The following PCDHGA6 variants were observed in gnomAD, a reference collection of about 807,000 sequenced individuals.
The protein encoded by PCDHGA6 is protocadherin gamma subfamily A, 6.
PCDHGA6 carries 41 observed loss-of-function variants against 60.6 expected under a neutral mutation model. The observed-to-expected ratio is 0.68, with a 90% CI of 0.53 to 0.88. The LOEUF is 0.88. PCDHGA6 is among the 40% of genes least tolerant of loss of function. The pLI, the probability that PCDHGA6 is intolerant of heterozygous loss-of-function variation, is 0.00. For missense variants in PCDHGA6, 1,312 were observed against 1,203.0 expected (o/e 1.09, Z -1.34); for synonymous variants, 594 against 524.4 (o/e 1.13, Z -1.81).
At position 141,486,891 on chromosome 5, in the gene PCDHGA6, G is replaced by C. The variant is rs201201426; in HGVS notation, c.2425-7916G>C. On this transcript the variant is annotated intron_variant, in intron 1 of 3. Transcript: ENST00000517434. This position sits in a 1 kb window ranked among gnomAD's most constrained non-coding sequence, Gnocchi z 5.0. ...GTGCTCCGTCCTCGGGCCCGGCCTGGTTCCTTATGTCCCCAAGCACTGCCT... is the reference window on the plus strand; with the variant it reads ...GTGCTCCGTCCTCGGGCCCGGCCTGCTTCCTTATGTCCCCAAGCACTGCCT... 14 of 1,614,118 alleles carry C rather than the reference G, an allele frequency of 8.7e-6. No homozygotes were observed. The highest frequency in any genetic ancestry group is 3.3e-5 in the Admixed American group (2 of 60,008).
chr5:141,410,174 G>A (rs1369332920), intron 1 of PCDHGA6: 4 of 1,613,588 alleles, frequency 2.5e-6, no homozygotes, highest in East Asian at 2.2e-5. Flanking sequence ...CTCTGCCACC[G>A]CCACGCTTCA....
intron 1 of PCDHGA6, chr5:141,393,681 C>G (rs2092820491): frequency 1.2e-6 from 2 of 1,613,772 alleles, no homozygotes; most frequent in Non-Finnish European, 1.7e-6. Context: ...AAAACAAACT[C>G]CGTTATTCCA....
intron 1 of PCDHGA6, chr5:141,419,926 G>C (rs1371764532): frequency 7.4e-6 from 12 of 1,613,978 alleles, no homozygotes; most frequent in Non-Finnish European, 8.5e-6. Flanking sequence ...CTGAGATGCA[G>C]TTTTACCTGG....
chr5:141,458,464 G>A (rs1035826436), intron 1 of PCDHGA6, among the ~76,000 whole-genome samples: 30 of 152,030 alleles, frequency 2.0e-4, no homozygotes, highest in Admixed American at 9.8e-4. Flanking sequence ...TTAAAATACC[G>A]TACAACTGCA....
rs1306571091 is a variant in PCDHGA6, at chr5:141,375,743, G to T, written c.1660G>T (p.Asp554Tyr). 1 of 1,614,120 alleles carries T rather than the reference G, an allele frequency of 6.2e-7. No individual in the cohort carries two copies. Among genetic ancestry groups the T allele is most frequent in the African/African-American group, 1.3e-5 (1 of 74,954 alleles). The change falls in exon 1 of 4, where the codon GAC (aspartate) becomes TAC (tyrosine). Residue 554 changes from aspartate to tyrosine, a missense_variant. By Grantham distance (160) the Asp-to-Tyr change is radical (BLOSUM62 -3). Coordinates refer to ENST00000517434, the MANE Select transcript of PCDHGA6 (RefSeq NM_018919.3). ...SNVSLSLFVL[D>Y]QNDNAPEILY... Reference sequence around the variant, plus strand: ...CGTGTCACTGAGCCTGTTTGTGCTGGACCAGAATGACAATGCGCCCGAGAT... The same window carrying T: ...CGTGTCACTGAGCCTGTTTGTGCTGTACCAGAATGACAATGCGCCCGAGAT...
intron 1 of PCDHGA6, among the ~76,000 whole-genome samples, chr5:141,449,525 G>T (rs2098641561): frequency 6.7e-6 from 1 of 148,580 alleles, no homozygotes; most frequent in South Asian, 2.1e-4. Flanking sequence ...GGAGGCGGAG[G>T]TTGCAGTGAG....
chr5:141,477,765 A>C lies in PCDHGA6; in HGVS notation c.2425-17042A>C, dbSNP rs752391870. The C allele has an allele frequency of 6.2e-7, 1 of 1,614,026 alleles. No individual in the cohort carries two copies. Among genetic ancestry groups the C allele is most frequent in the Non-Finnish European group, 8.5e-7 (1 of 1,180,036 alleles). Reference sequence around the variant, plus strand: ...GGGGGCACCCCGGTCCTAGCCACCAACATCAGCGTGAACATATTTGTCACT... The same window carrying C: ...GGGGGCACCCCGGTCCTAGCCACCACCATCAGCGTGAACATATTTGTCACT... On this transcript the variant is annotated intron_variant, in intron 1 of 3. Coordinates refer to ENST00000517434, the MANE Select transcript of PCDHGA6 (RefSeq NM_018919.3). The surrounding 1 kb of genome is among the most constrained non-coding windows in gnomAD (Gnocchi z 4.9).
intron 1 of PCDHGA6, chr5:141,408,154 A>T: frequency 6.6e-7 from 1 of 1,510,630 alleles, no homozygotes; most frequent in Non-Finnish European, 8.9e-7. Context: ...GGTAGAGTGC[A>T]CTTTCTCCAA....
intron 1 of PCDHGA6, chr5:141,419,008 G>T: frequency 6.2e-7 from 1 of 1,613,978 alleles, no homozygotes; most frequent in Non-Finnish European, 8.5e-7. Flanking sequence ...GGGAAGTCAG[G>T]TGTAGCTTAA....
At chr5:141,391,345 G>C (rs1233916830) in intron 1 of PCDHGA6, 1 of 139,580 alleles carries the variant, frequency 7.2e-6, no homozygotes, top group Admixed American at 7.6e-5. Context: ...CAGAGTCTCT[G>C]TCTGTTACTC....
Position 141,489,343 on chromosome 5 carries a change from G to A in PCDHGA6, c.2425-5464G>A, listed in dbSNP as rs377697321. On this transcript the variant is annotated intron_variant, in intron 1 of 3. Coordinates refer to ENST00000517434, the MANE Select transcript of PCDHGA6 (RefSeq NM_018919.3). This position sits in a 1 kb window ranked among gnomAD's most constrained non-coding sequence, Gnocchi z 4.5. ...GGTGTCTGGGCAGCTTCGTTACTCA[G>A]TGGTGGAGGAGTCTGAGCCGGGGAC... The A allele has an allele frequency of 5.6e-6, 9 of 1,611,264 alleles. No individual in the cohort carries two copies. Among genetic ancestry groups the A allele is most frequent in the Non-Finnish European group, 7.6e-6 (9 of 1,178,202 alleles).
At chr5:141,441,848 T>C (rs1034278597) in intron 1 of PCDHGA6, 2 of 356,906 alleles carry the variant, frequency 5.6e-6, no homozygotes, top group South Asian at 2.4e-5. Context: ...CTCTTGGATA[T>C]GGTGCTGCAC....
chr5:141,388,868 A>G lies in PCDHGA6; in HGVS notation c.2424+12361A>G, dbSNP rs138074064. On this transcript the variant is annotated intron_variant, in intron 1 of 3. Transcript: ENST00000517434. The stretch of plus-strand genomic sequence containing the variant: ...GGGACGGTGGAGGAATGATTGCGCA[A>G]TGCACAGTGGAGGTAGAAGTCATAG... 208 of 1,613,992 alleles carry G rather than the reference A, an allele frequency of 1.3e-4. 2 individuals are homozygous for G. In the African/African-American group the frequency reaches 2.5e-3, roughly 19 times the overall value.
At chr5:141,385,188 T>A (rs1352073072) in intron 1 of PCDHGA6, 2 of 1,614,080 alleles carry the variant, frequency 1.2e-6, no homozygotes, top group African/African-American at 1.3e-5. Flanking sequence ...CCGCGGACTC[T>A]CGGAAGAGTC....
At chr5:141,389,635 A>G in intron 1 of PCDHGA6, 1 of 1,612,978 alleles carries the variant, frequency 6.2e-7, no homozygotes, top group Non-Finnish European at 8.5e-7. Flanking sequence ...GAGCCTGGCT[A>G]CTTGGTGACC....
At chr5:141,463,847 G>T (rs922334975) in intron 1 of PCDHGA6, among the ~76,000 whole-genome samples, 9 of 152,158 alleles carry the variant, frequency 5.9e-5, no homozygotes, top group African/African-American at 2.2e-4. Context: ...TGTTATAGTG[G>T]TATATCTGGT....
intron 1 of PCDHGA6, among the ~76,000 whole-genome samples, chr5:141,482,765 T>C (rs2099572013): frequency 7.9e-6 from 1 of 127,068 alleles, no homozygotes; most frequent in African/African-American, 3.6e-5. Flanking sequence ...TATTTCATTA[T>C]CACTGAACCT....
chr5:141,489,844 C>T lies in PCDHGA6; in HGVS notation c.2425-4963C>T, dbSNP rs1004902910. 4.3e-6 allele frequency: 7 copies of T among 1,614,148 alleles called. No homozygotes were observed. The African/African-American group carries it at 9.3e-5, about 22-fold the overall frequency. ...GCTGGTGCTAGAGCAGCAGCTGGAT[C>T]GTGAAGCCCAGGCAAGACATCAGCT... On this transcript the variant is annotated intron_variant, in intron 1 of 3. Transcript: ENST00000517434. The surrounding 1 kb of genome is among the most constrained non-coding windows in gnomAD (Gnocchi z 4.5).
intron 2 of PCDHGA6, among the ~76,000 whole-genome samples, chr5:141,501,703 G>A (rs183907124): frequency 6.6e-6 from 1 of 152,088 alleles, no homozygotes; most frequent in Non-Finnish European, 1.5e-5. Flanking sequence ...GTGATTCCGA[G>A]GATAAAAAAG....
Sources: gnomAD v4.1 joint callset for allele counts (sites outside exome capture counted in the v4.1 genomes callset) on GRCh38, gnomAD v4.1.1 for gene constraint, Gnocchi (gnomAD v3.1) non-coding constraint, MANE v1.5 for transcripts, NCBI Gene and HGNC (gene_info 2026-07-23, HGNC 2026-07-21) for gene names.